The following KALRN variants were observed in gnomAD, a reference collection of about 807,000 sequenced individuals.
The protein encoded by KALRN is kalirin RhoGEF kinase, also known as kalirin.
KALRN carries 70 observed loss-of-function variants against 353.7 expected under a neutral mutation model. That is an observed-to-expected ratio of 0.20 (90% CI 0.16 to 0.24). The LOEUF (loss-of-function observed/expected upper bound fraction) is 0.24, where lower values mean the gene tolerates loss of function less well. Ranked by LOEUF, KALRN falls within the 10% of genes least tolerant of loss-of-function variation. KALRN has a pLI of 1.00. For synonymous variants in KALRN, 1,391 were observed against 1,434.8 expected (o/e 0.97, Z 0.69); for missense variants, 2,791 against 3,756.7 (o/e 0.74, Z 6.72).
At chr3:124,587,509 C>A (rs889053272) in intron 34 of KALRN, among the ~76,000 whole-genome samples, 1 of 152,108 alleles carries the variant, frequency 6.6e-6, no homozygotes, top group African/African-American at 2.4e-5. Flanking sequence ...TGGGATTTCT[C>A]TGGTGAATTC....
chr3:124,270,071 G>A (rs907670379), intron 5 of KALRN, among the ~76,000 whole-genome samples: 7 of 152,196 alleles, frequency 4.6e-5, no homozygotes, highest in African/African-American at 1.7e-4. Flanking sequence ...CTTTGCTGAG[G>A]ATACAAAGGT....
intron 10 of KALRN, among the ~76,000 whole-genome samples, chr3:124,366,555 A>G (rs866217196): frequency 6.7e-6 from 1 of 149,442 alleles, no homozygotes; most frequent in Non-Finnish European, 1.5e-5. Context: ...CCAAGGCAGA[A>G]GAATTTTTCT....
At chr3:124,421,662 G>A (rs1402498777) in intron 14 of KALRN, among the ~76,000 whole-genome samples, 4 of 152,160 alleles carry the variant, frequency 2.6e-5, no homozygotes, top group Admixed American at 2.6e-4. Context: ...GCCAAGTAAG[G>A]AATCAAATTC....
At chr3:124,712,748 C>A (rs1447272598) in intron 57 of KALRN, among the ~76,000 whole-genome samples, 187 bp from the exon 58 acceptor site, 1 of 149,900 alleles carries the variant, frequency 6.7e-6, no homozygotes, top group Non-Finnish European at 1.5e-5. Context: ...TTTGACATCT[C>A]AAAAACCCTA....
At chr3:124,149,882 G>T (rs1404411368) in intron 1 of KALRN, among the ~76,000 whole-genome samples, 1 of 152,182 alleles carries the variant, frequency 6.6e-6, no homozygotes, top group Non-Finnish European at 1.5e-5. Flanking sequence ...TAGCCAGCCG[G>T]GTTCCGTTTT....
intron 19 of KALRN, among the ~76,000 whole-genome samples, chr3:124,444,058 G>A (rs1486543992): frequency 1.3e-5 from 2 of 152,166 alleles, no homozygotes; most frequent in African/African-American, 4.8e-5. Context: ...TTATATGGCT[G>A]CATAACAACC....
intron 1 of KALRN, among the ~76,000 whole-genome samples, chr3:124,216,040 G>A (rs2077295907): frequency 6.6e-6 from 1 of 152,084 alleles, no homozygotes. Context: ...GTACTGCCTT[G>A]GTGTCTACAA....
At chr3:124,518,463 C>T (rs764452877) in intron 33 of KALRN, 12 of 1,614,100 alleles carry the variant, frequency 7.4e-6, no homozygotes, top group East Asian at 2.2e-5. Flanking sequence ...TTACGTTTAG[C>T]GCGCATCCTG....
At chr3:124,485,170 A>G (rs1015320188) in intron 28 of KALRN, among the ~76,000 whole-genome samples, 1 of 152,244 alleles carries the variant, frequency 6.6e-6, no homozygotes, top group South Asian at 2.1e-4. Context: ...ATTGATTTTT[A>G]TGGTTTTGAA....
chr3:124,596,868 C>G (rs371023460), intron 34 of KALRN, among the ~76,000 whole-genome samples: 2 of 152,052 alleles, frequency 1.3e-5, no homozygotes, highest in East Asian at 3.9e-4. Flanking sequence ...GCCAATATGG[C>G]GAAACCCCAT....
intron 13 of KALRN, among the ~76,000 whole-genome samples, chr3:124,411,053 G>T (rs1280898432): frequency 6.6e-6 from 1 of 152,116 alleles, no homozygotes; most frequent in Non-Finnish European, 1.5e-5. Context: ...CAGCAGCGTG[G>T]ATGAATCTTG....
intron 58 of KALRN, among the ~76,000 whole-genome samples, chr3:124,714,562 T>TTAA (rs1478421997): frequency 1.3e-5 from 2 of 152,218 alleles, no homozygotes; most frequent in African/African-American, 2.4e-5. Context: ...TTCCCAGAGA[T>TTAA]GTTGCAGGGA....
chr3:124,706,633 A>G (rs1372345566), intron 57 of KALRN, among the ~76,000 whole-genome samples: 2 of 151,118 alleles, frequency 1.3e-5, no homozygotes, highest in African/African-American at 4.9e-5. Flanking sequence ...GCAGTGATGC[A>G]GTCTTGGCTC....
At chr3:124,282,720 C>A (rs2075471310) in intron 5 of KALRN, among the ~76,000 whole-genome samples, 1 of 152,178 alleles carries the variant, frequency 6.6e-6, no homozygotes, top group Admixed American at 6.5e-5. Context: ...TAAACACAGG[C>A]ATTTACCTTG....
intron 1 of KALRN, among the ~76,000 whole-genome samples, chr3:124,123,003 C>G (rs183633440): frequency 3.9e-4 from 59 of 152,096 alleles, no homozygotes; most frequent in African/African-American, 1.4e-3. Context: ...GAGTTTGAGA[C>G]CAGCCTGACC....
chr3:124,227,079 G>A (rs1331888596), intron 1 of KALRN, among the ~76,000 whole-genome samples: 3 of 152,130 alleles, frequency 2.0e-5, no homozygotes, highest in African/African-American at 4.8e-5. Flanking sequence ...TGTGTATGTG[G>A]AAGCTGGGTC....
chr3:124,637,154 C>A, intron 36 of KALRN, 54 bp from the exon 37 acceptor site: 1 of 1,369,046 alleles, frequency 7.3e-7, no homozygotes, highest in Non-Finnish European at 1.0e-6. Context: ...TTCCTGATCA[C>A]TGTTCCTTAT....
intron 16 of KALRN, among the ~76,000 whole-genome samples, chr3:124,431,866 C>T (rs2150464633): frequency 6.6e-6 from 1 of 152,242 alleles, no homozygotes; most frequent in East Asian, 1.9e-4. Flanking sequence ...GATGTATAAA[C>T]AGTGTTAAGA....
intron 33 of KALRN, among the ~76,000 whole-genome samples, chr3:124,530,178 TC>T (rs1457328949): frequency 6.6e-6 from 1 of 152,042 alleles, no homozygotes; most frequent in Non-Finnish European, 1.5e-5. Flanking sequence ...TTAGGACTGT[TC>T]CAAAAATACA....
Sources: gnomAD v4.1 joint callset for allele counts (sites outside exome capture counted in the v4.1 genomes callset) on GRCh38, gnomAD v4.1.1 for gene constraint, MANE v1.5 for transcripts, NCBI Gene and HGNC (gene_info 2026-07-23, HGNC 2026-07-21) for gene names.